CNTN5: variants seen among roughly 807,000 people sequenced by gnomAD.
CNTN5 encodes the protein contactin 5.
Under a neutral mutation model 129.1 loss-of-function variants are expected in CNTN5, and 77 were observed. The ratio of observed to expected loss-of-function variants is 0.60; its 90% confidence interval spans 0.50 to 0.72. The LOEUF is 0.72. Among genes scored for constraint, CNTN5 ranks in the 30% least tolerant of loss-of-function variants. CNTN5 has a pLI of 0.00. For synonymous variants in CNTN5, 509 were observed against 465.6 expected (o/e 1.09, Z -1.20); for missense variants, 1,478 against 1,328.8 (o/e 1.11, Z -1.75).
chr11:100,157,295 A>G (rs1414735126), intron 13 of CNTN5, among the ~76,000 whole-genome samples: 1 of 151,938 alleles, frequency 6.6e-6, no homozygotes, highest in East Asian at 1.9e-4. Flanking sequence ...AATAAGATTC[A>G]CATGGTTGTA....
chr11:99,709,170 A>G (rs753083416), intron 3 of CNTN5, among the ~76,000 whole-genome samples: 3 of 151,866 alleles, frequency 2.0e-5, no homozygotes, highest in Non-Finnish European at 4.4e-5. Flanking sequence ...TTATTTGTTT[A>G]AAATGTTCCC....
intron 3 of CNTN5, among the ~76,000 whole-genome samples, chr11:99,614,351 T>C (rs994080671): frequency 6.6e-6 from 1 of 152,210 alleles, no homozygotes; most frequent in African/African-American, 2.4e-5. Flanking sequence ...AAAATAAACA[T>C]GGTTTTCTCA....
intron 6 of CNTN5, among the ~76,000 whole-genome samples, chr11:99,855,319 C>G (rs1201024199): frequency 1.3e-5 from 2 of 152,046 alleles, no homozygotes; most frequent in East Asian, 1.9e-4. Context: ...CAAAAGCAAA[C>G]AAACAACAAC....
chr11:99,179,453 A>T (rs1857938772), intron 1 of CNTN5, among the ~76,000 whole-genome samples: 1 of 151,982 alleles, frequency 6.6e-6, no homozygotes. Flanking sequence ...AAAGTAAAAA[A>T]TAAATAAATA....
chr11:100,274,836 A>G lies in CNTN5; in HGVS notation c.2314+3595A>G, dbSNP rs543824513. ...GTGGAAGAAAGTGTGACGACAACTC[A>G]AAGACCTAAAAACAGAAAAAACATT... On this transcript the variant is annotated intron_variant, in intron 18 of 24. Transcript: ENST00000524871. Among the ~76,000 whole-genome samples, 10 of 152,378 alleles carry G rather than the reference A, an allele frequency of 6.6e-5. No individual in the cohort carries two copies. In the South Asian group the frequency reaches 2.1e-3, roughly 32 times the overall value.
At chr11:100,321,784 T>G (rs183516069) in intron 21 of CNTN5, among the ~76,000 whole-genome samples, 243 of 152,352 alleles carry the variant, frequency 1.6e-3, no homozygotes, top group Non-Finnish European at 2.8e-3. Context: ...TCAAATGCTT[T>G]TTTGCATTTA....
intron 2 of CNTN5, among the ~76,000 whole-genome samples, chr11:99,519,341 A>G (rs1483194151): frequency 6.6e-6 from 1 of 151,980 alleles, no homozygotes; most frequent in Non-Finnish European, 1.5e-5. Flanking sequence ...TCTTAACATC[A>G]TGCTGCTATC....
rs1218734611 is a variant in CNTN5, at chr11:99,381,170, AC to A, written c.-71+55687del. Among the ~76,000 whole-genome samples, 1,054 of 147,826 alleles carry A rather than the reference AC, an allele frequency of 7.1e-3. 3 individuals carry two copies. Among genetic ancestry groups the A allele is most frequent in the Non-Finnish European group, 0.012 (817 of 66,684 alleles). On this transcript the variant is annotated intron_variant, in intron 2 of 24. Coordinates refer to ENST00000524871, the MANE Select transcript of CNTN5 (RefSeq NM_014361.4). ...TGAGCTAAGCCTAGGGAAAAAAAAA[AC>A]AAACCAAATTTCTAATCACTGCGGT...
chr11:99,325,197 T>A (rs1339136358), intron 1 of CNTN5, 149 bp from the exon 2 acceptor site: 1 of 152,114 alleles, frequency 6.6e-6, no homozygotes, highest in Non-Finnish European at 1.5e-5. Context: ...AAGCTGTATG[T>A]GTTTATATGG....
At chr11:99,984,391 A>G (rs1469274609) in intron 8 of CNTN5, among the ~76,000 whole-genome samples, 1 of 152,114 alleles carries the variant, frequency 6.6e-6, no homozygotes, top group African/African-American at 2.4e-5. Flanking sequence ...AGAAAAGAAA[A>G]AAGAAAAGAA....
intron 3 of CNTN5, among the ~76,000 whole-genome samples, chr11:99,734,094 A>G (rs958957991): frequency 6.6e-6 from 1 of 152,162 alleles, no homozygotes. Context: ...GCTGCCTTTT[A>G]GGAGAGAATT....
At chr11:99,715,563 T>A (rs192057428) in intron 3 of CNTN5, among the ~76,000 whole-genome samples, 1 of 151,938 alleles carries the variant, frequency 6.6e-6, no homozygotes, top group Admixed American at 6.6e-5. Flanking sequence ...TTATGGCCTG[T>A]ATAGTTTCAA....
intron 13 of CNTN5, among the ~76,000 whole-genome samples, chr11:100,130,019 T>C (rs1275942823): frequency 6.6e-6 from 1 of 152,110 alleles, no homozygotes; most frequent in Non-Finnish European, 1.5e-5. Context: ...GAAAATAAAT[T>C]CTAATTTTTA....
intron 3 of CNTN5, among the ~76,000 whole-genome samples, chr11:99,633,469 C>T (rs751165836): frequency 7.9e-5 from 12 of 152,050 alleles, no homozygotes; most frequent in Admixed American, 2.6e-4. Context: ...TTGGATATTG[C>T]GATACATATT....
chr11:99,356,545 C>A (rs552457250), intron 2 of CNTN5, among the ~76,000 whole-genome samples: 1 of 152,304 alleles, frequency 6.6e-6, no homozygotes, highest in South Asian at 2.1e-4. Flanking sequence ...CACTTTTGAA[C>A]ACCTACGTTG....
At chr11:99,987,320 G>T (rs887490782) in intron 8 of CNTN5, among the ~76,000 whole-genome samples, 2 of 151,834 alleles carry the variant, frequency 1.3e-5, no homozygotes, top group African/African-American at 4.8e-5. Context: ...GGGTAGAAAT[G>T]CCATTAGATT....
chr11:100,081,737 T>C (rs1944372984), intron 13 of CNTN5, among the ~76,000 whole-genome samples: 1 of 152,216 alleles, frequency 6.6e-6, no homozygotes, highest in African/African-American at 2.4e-5. Context: ...ATACCGTTTC[T>C]AATTTTTCAG....
At chr11:100,138,407 A>T (rs1202936450) in intron 13 of CNTN5, among the ~76,000 whole-genome samples, 1 of 152,112 alleles carries the variant, frequency 6.6e-6, no homozygotes, top group African/African-American at 2.4e-5. Context: ...TTTGTATTGT[A>T]TCAGGGAAAG....
At chr11:100,155,029 A>G (rs906406458) in intron 13 of CNTN5, among the ~76,000 whole-genome samples, 1 of 152,004 alleles carries the variant, frequency 6.6e-6, no homozygotes, top group African/African-American at 2.4e-5. Context: ...GTTTAATTAG[A>G]TCCCATTAGT....
Sources: gnomAD v4.1 joint callset for allele counts (sites outside exome capture counted in the v4.1 genomes callset) on GRCh38, gnomAD v4.1.1 for gene constraint, MANE v1.5 for transcripts, NCBI Gene and HGNC (gene_info 2026-07-23, HGNC 2026-07-21) for gene names.